SYNJ2: variants seen among roughly 807,000 people sequenced by gnomAD.
The protein encoded by SYNJ2 is synaptojanin 2.
A neutral mutation model predicts 141.3 loss-of-function variants in SYNJ2; 116 were observed. The observed-to-expected ratio is 0.82, with a 90% confidence interval of 0.71 to 0.96. The LOEUF is 0.96. Among genes scored for constraint, SYNJ2 ranks in the 40% least tolerant of loss-of-function variants. SYNJ2 has a pLI of 0.00. For missense variants in SYNJ2, 1,873 were observed against 1,934.8 expected, an observed-to-expected ratio of 0.97 and a Z score of 0.60; for synonymous variants, 745 against 777.7, an observed-to-expected ratio of 0.96 and a Z score of 0.70.
At chr6:158,082,218 G>T (rs945573848) in intron 20 of SYNJ2, among the ~76,000 whole-genome samples, 4 of 152,144 alleles carry the variant, frequency 2.6e-5, no homozygotes, top group Admixed American at 6.5e-5. Context: ...GCTGGGTGTG[G>T]TGGCTTACGC....
intron 1 of SYNJ2, among the ~76,000 whole-genome samples, chr6:157,996,275 C>T (rs1343319521): frequency 1.3e-5 from 2 of 152,168 alleles, no homozygotes; most frequent in Non-Finnish European, 2.9e-5. Flanking sequence ...GTGAATCCCA[C>T]CCCAAAACAG....
At chr6:158,088,963 A>C (rs536730746) in intron 24 of SYNJ2, among the ~76,000 whole-genome samples, 191 bp downstream of exon 24, 1 of 152,158 alleles carries the variant, frequency 6.6e-6, no homozygotes, top group African/African-American at 2.4e-5. Flanking sequence ...GGAGTGTTCT[A>C]GAAAAAATCA....
At chr6:158,045,016 G>A (rs115000661) in intron 5 of SYNJ2, among the ~76,000 whole-genome samples, 85 of 151,646 alleles carry the variant, frequency 5.6e-4, no homozygotes, top group African/African-American at 1.9e-3. Context: ...TTAGGGGAAT[G>A]GTCATGATGG....
intron 5 of SYNJ2, among the ~76,000 whole-genome samples, chr6:158,051,413 A>G (rs2502620): frequency 0.49 from 74,565 of 151,488 alleles, 18,672 homozygotes; most frequent in South Asian, 0.59. Context: ...CGGTAGTGCG[A>G]CCATGAAAGT....
Position 158,017,239 on chromosome 6 carries a change from G to A in SYNJ2, c.163G>A (p.Gly55Ser). Reference sequence around the variant, plus strand: ...AAAGGAAGTCATTAAAGGACAGTATGGCAAGCTCACGGACGCGTACGGCTG... The same window carrying A: ...AAAGGAAGTCATTAAAGGACAGTATAGCAAGCTCACGGACGCGTACGGCTG... ...EEKEVIKGQY[G>S]KLTDAYGCLG... is the part of the protein sequence containing the mutation. Residue 55 changes from glycine to serine, a missense_variant, in exon 2 of 27, where the codon GGC becomes AGC. Physicochemically the swap from Gly to Ser is moderately conservative, Grantham distance 56. Coordinates refer to ENST00000355585, the MANE Select transcript of SYNJ2 (RefSeq NM_003898.4). The A allele has an allele frequency of 6.2e-7, 1 of 1,613,278 alleles. No homozygotes were observed. The highest frequency in any genetic ancestry group is 1.1e-5 in the South Asian group (1 of 90,432).
At chr6:157,997,659 C>T (rs1289436945) in intron 1 of SYNJ2, among the ~76,000 whole-genome samples, 1 of 152,160 alleles carries the variant, frequency 6.6e-6, no homozygotes, top group Non-Finnish European at 1.5e-5. Context: ...GCAACCCAGG[C>T]AACTAATACA....
In SYNJ2 at chr6:158,033,592, G is replaced by A. The variant is rs146752926; in HGVS notation, c.623G>A (p.Arg208His). The change falls in exon 4 of 27, where the codon CGC becomes CAC. Residue 208 changes from arginine (R) to histidine (H), a missense_variant. Transcript: ENST00000355585. ...HKQAKACLVS[R>H]VSCERTGTRF... is the part of the protein sequence containing the mutation. ...CAGGCCAAGGCCTGCCTCGTCTCTCGCGTTAGCTGTGAGCGCACAGGCACT... is the reference window on the plus strand; with the variant it reads ...CAGGCCAAGGCCTGCCTCGTCTCTCACGTTAGCTGTGAGCGCACAGGCACT... The A allele has an allele frequency of 1.2e-4, 186 of 1,613,962 alleles. No individual in the cohort carries two copies. The highest frequency in any genetic ancestry group is 1.5e-4 in the Non-Finnish European group (175 of 1,180,036).
intron 23 of SYNJ2, 23 bp from the exon 24 acceptor site, chr6:158,088,637 T>C: frequency 1.3e-6 from 2 of 1,589,128 alleles, no homozygotes; most frequent in Non-Finnish European, 1.7e-6. Flanking sequence ...AGATTGAGAC[T>C]CTGCCCTCGT....
chr6:158,076,285 C>T (rs1707423838), intron 16 of SYNJ2, among the ~76,000 whole-genome samples: 1 of 152,170 alleles, frequency 6.6e-6, no homozygotes, highest in African/African-American at 2.4e-5. Context: ...GTGGGCCAGA[C>T]ATGGCACCAG....
At position 158,081,200 on chromosome 6, in the gene SYNJ2, C is replaced by T; in HGVS notation, c.2659C>T (p.Pro887Ser). The T allele has an allele frequency of 6.2e-7, 1 of 1,614,044 alleles. No homozygotes were observed. Among genetic ancestry groups the T allele is most frequent in the Non-Finnish European group, 8.5e-7 (1 of 1,179,956 alleles). ...VFQEVSSFQG[P>S]LDATVVVNLQ... ...CCAGGAAGTGTCCTCCTTCCAGGGC[C>T]CCCTGGATGCCACTGTTGTAGTAAA... The change falls in exon 19 of 27, where the codon CCC (proline) becomes TCC (serine). Residue 887 changes from proline (P) to serine (S), a missense_variant. By Grantham distance (74) the Pro-to-Ser change is moderately conservative. Transcript: ENST00000355585.
Position 157,982,328 on chromosome 6 carries a change from CCG to C in SYNJ2, c.127+244_127+245del, listed in dbSNP as rs941421830. Among the ~76,000 whole-genome samples the C allele has an allele frequency of 2.0e-5, 3 of 152,220 alleles. No homozygotes were observed. The highest frequency in any genetic ancestry group is 7.2e-5 in the African/African-American group (3 of 41,454). ...CCGCCCCTCCACGGGGATCTCCGGC[CCG>C]CGCCGCCAGAGGATATGGTTGCTGG... On this transcript the variant is annotated intron_variant, in intron 1 of 26. Coordinates refer to ENST00000355585, the MANE Select transcript of SYNJ2 (RefSeq NM_003898.4). The surrounding 1 kb of genome is among the most constrained non-coding windows in gnomAD (Gnocchi z 4.0).
chr6:158,007,676 C>G lies in SYNJ2; in HGVS notation c.128-9528C>G, dbSNP rs370507019. ...TTTTTGTTTTAGACGGAGTTTCGCTCTTGTCACGCAGGCTGGAGTGCAGTG... is the reference window on the plus strand; with the variant it reads ...TTTTTGTTTTAGACGGAGTTTCGCTGTTGTCACGCAGGCTGGAGTGCAGTG... On this transcript the variant is annotated intron_variant, in intron 1 of 26. Coordinates refer to ENST00000355585, the MANE Select transcript of SYNJ2 (RefSeq NM_003898.4). Among the ~76,000 whole-genome samples the G allele has an allele frequency of 2.6e-4, 39 of 152,184 alleles. 1 individual carries two copies. The highest frequency in any genetic ancestry group is 1.2e-3 in the East Asian group (6 of 5,164).
rs1292473179 is a variant in SYNJ2 at position 158,081,214 on chromosome 6, T to C, written c.2673T>C (p.Thr891=). The C allele has an allele frequency of 6.2e-6, 10 of 1,614,098 alleles. No homozygotes were observed. The highest frequency in any genetic ancestry group is 8.5e-6 in the Non-Finnish European group (10 of 1,180,048). Residue 891 remains threonine (T), a synonymous_variant, in exon 19 of 27, where the codon ACT becomes ACC. Coordinates refer to ENST00000355585, the MANE Select transcript of SYNJ2 (RefSeq NM_003898.4). ...VSSFQGPLDA[T]VVVNLQSPTL... is the part of the protein sequence containing the mutation. ...CCTTCCAGGGCCCCCTGGATGCCAC[T>C]GTTGTAGTAAACCTTCAATCACCGA...
upstream of SYNJ2, chr6:157,981,770 C>G (rs910141256): frequency 1.1e-4 from 49 of 440,662 alleles, no homozygotes; most frequent in Non-Finnish European, 1.7e-4. This position sits in a 1 kb window ranked among gnomAD's most constrained non-coding sequence, Gnocchi z 6.4. Context: ...CGCGCCCTCA[C>G]CTGCCCCAGG....
At chr6:158,052,745 T>C (rs1169043127) in intron 5 of SYNJ2, among the ~76,000 whole-genome samples, 1 of 152,212 alleles carries the variant, frequency 6.6e-6, no homozygotes, top group East Asian at 1.9e-4. Context: ...GGTCACGTTT[T>C]AACGTGAGAT....
chr6:158,096,601 C>T lies in SYNJ2; in HGVS notation c.*237C>T, dbSNP rs1783813908. On this transcript the variant is annotated 3_prime_UTR_variant, in exon 27 of 27. Transcript: ENST00000355585. ...AAGTTTGCTCTTCAAGGAATGGGAACCTTCCTGTTAAATTCGGTGTATGGA... is the reference window on the plus strand; with the variant it reads ...AAGTTTGCTCTTCAAGGAATGGGAATCTTCCTGTTAAATTCGGTGTATGGA... 1 of 408,338 alleles carries T rather than the reference C, an allele frequency of 2.4e-6. No homozygotes were observed. Among genetic ancestry groups the T allele is most frequent in the African/African-American group, 2.0e-5 (1 of 48,852 alleles). The allele number at this position is 408,338 out of a possible 1,614,324, so 25.3% of individuals were successfully genotyped here.
intron 4 of SYNJ2, among the ~76,000 whole-genome samples, chr6:158,042,529 AGT>A (rs1237222012): frequency 1.3e-5 from 2 of 152,254 alleles, no homozygotes; most frequent in Non-Finnish European, 2.9e-5. Context: ...GCATCTGATA[AGT>A]GTCGCCGCCT....
In SYNJ2 at chr6:158,081,262, T is replaced by G; in HGVS notation, c.2721T>G (p.Phe907Leu). The change falls in exon 19 of 27, where the codon TTT becomes TTG. Residue 907 changes from phenylalanine to leucine, a missense_variant. Transcript: ENST00000355585. The stretch of plus-strand genomic sequence containing the variant: ...CGACCTTAGAAGAGAAAAACGAGTT[T>G]CCAGAGGACCTGCGTACTGAGCTCA... The part of the protein sequence containing the change: ...QSPTLEEKNE[F>L]PEDLRTELMQ... 6.2e-7 allele frequency: 1 copy of G among 1,614,098 alleles called. No homozygotes were observed.
chr6:158,036,583 AAG>A (rs1184782521), intron 4 of SYNJ2, among the ~76,000 whole-genome samples: 1 of 152,104 alleles, frequency 6.6e-6, no homozygotes, highest in African/African-American at 2.4e-5. Flanking sequence ...CATGGATACA[AAG>A]AGGGGAACAA....
Sources: allele counts gnomAD v4.1 joint callset (sites outside exome capture counted in the v4.1 genomes callset), GRCh38; gene constraint gnomAD v4.1.1; non-coding constraint Gnocchi (gnomAD v3.1); transcripts MANE v1.5; gene names NCBI Gene and HGNC (gene_info 2026-07-23, HGNC 2026-07-21).